HCN1: variants seen among roughly 807,000 people sequenced by gnomAD.
HCN1 encodes potassium/sodium hyperpolarization-activated cyclic nucleotide-gated channel 1.
Under a neutral mutation model 78.9 loss-of-function variants are expected in HCN1, and 13 were observed. The ratio of observed to expected loss-of-function variants is 0.16; its 90% CI spans 0.11 to 0.26. The LOEUF (loss-of-function observed/expected upper bound fraction) is 0.26, where lower values mean the gene tolerates loss of function less well. HCN1 is among the 10% of genes least tolerant of loss of function. The pLI is 1.00. For missense variants in HCN1, 810 were observed against 1,154.3 expected (o/e 0.70, Z 4.32); for synonymous variants, 552 against 455.5 (o/e 1.21, Z -2.70).
At chr5:45,683,060 T>C (rs2112091454) in intron 1 of HCN1, among the ~76,000 whole-genome samples, 1 of 152,204 alleles carries the variant, frequency 6.6e-6, no homozygotes, top group Non-Finnish European at 1.5e-5. Flanking sequence ...CATAGCTTTA[T>C]TATTAAATAA....
At chr5:45,502,458 A>G (rs1209961178) in intron 2 of HCN1, among the ~76,000 whole-genome samples, 3 of 152,182 alleles carry the variant, frequency 2.0e-5, no homozygotes, top group Non-Finnish European at 4.4e-5. Context: ...AATTCCAACT[A>G]TTGGGATCCA....
chr5:45,487,666 CA>C (rs1741795875), intron 2 of HCN1, among the ~76,000 whole-genome samples: 1 of 151,938 alleles, frequency 6.6e-6, no homozygotes, highest in Non-Finnish European at 1.5e-5. Context: ...AGAAATTATA[CA>C]AAATAATGTA....
intron 3 of HCN1, among the ~76,000 whole-genome samples, chr5:45,410,562 T>C (rs962726857): frequency 3.3e-5 from 5 of 152,084 alleles, no homozygotes; most frequent in African/African-American, 2.4e-5. Flanking sequence ...GTCATATTCT[T>C]ATTTACAGCT....
At chr5:45,670,828 T>G (rs1287889801) in intron 1 of HCN1, among the ~76,000 whole-genome samples, 3 of 151,724 alleles carry the variant, frequency 2.0e-5, no homozygotes, top group Non-Finnish European at 4.4e-5. Context: ...TTACAGTTAA[T>G]TTATCCACAA....
At chr5:45,624,155 A>T (rs1032825055) in intron 2 of HCN1, among the ~76,000 whole-genome samples, 3 of 152,188 alleles carry the variant, frequency 2.0e-5, no homozygotes, top group Non-Finnish European at 2.9e-5. Context: ...ATTAGAGGCC[A>T]TTGGAACATT....
At chr5:45,267,879 A>G (rs1264699177) in intron 6 of HCN1, among the ~76,000 whole-genome samples, 3 of 152,224 alleles carry the variant, frequency 2.0e-5, no homozygotes, top group Non-Finnish European at 4.4e-5. Context: ...AATAAGAAAT[A>G]AAGAAAAAAA....
chr5:45,438,589 CAAA>C (rs60699282), intron 3 of HCN1, among the ~76,000 whole-genome samples: 1 of 95,740 alleles, frequency 1.0e-5, no homozygotes, highest in Admixed American at 1.1e-4. Flanking sequence ...GACTCCGTCT[CAAA>C]AAAAAAAAAA....
At chr5:45,293,007 TA>T (rs1745411059) in intron 6 of HCN1, among the ~76,000 whole-genome samples, 1 of 152,078 alleles carries the variant, frequency 6.6e-6, no homozygotes, top group East Asian at 1.9e-4. Context: ...TATGAAAGCA[TA>T]AAGAGAAAAT....
intron 6 of HCN1, among the ~76,000 whole-genome samples, chr5:45,301,823 G>C (rs1443411253): frequency 6.6e-6 from 1 of 150,974 alleles, no homozygotes; most frequent in Non-Finnish European, 1.5e-5. Context: ...AGAAAAAATA[G>C]GCAGATTTAA....
intron 2 of HCN1, among the ~76,000 whole-genome samples, chr5:45,574,241 C>G (rs2111908023): frequency 6.6e-6 from 1 of 152,234 alleles, no homozygotes; most frequent in South Asian, 2.1e-4. Flanking sequence ...TCAACCAAGT[C>G]TATTGGTGCC....
chr5:45,597,520 G>A (rs1744525783), intron 2 of HCN1, among the ~76,000 whole-genome samples: 1 of 152,186 alleles, frequency 6.6e-6, no homozygotes, highest in African/African-American at 2.4e-5. Flanking sequence ...AGACAAGGAT[G>A]CCCTCTCTCA....
intron 2 of HCN1, among the ~76,000 whole-genome samples, chr5:45,499,087 C>T (rs902945056): frequency 6.6e-6 from 1 of 152,172 alleles, no homozygotes; most frequent in African/African-American, 2.4e-5. Flanking sequence ...AGGCAGGTCT[C>T]CTTGAGCTGT....
intron 2 of HCN1, among the ~76,000 whole-genome samples, chr5:45,544,831 T>C (rs1407269363): frequency 6.6e-6 from 1 of 152,194 alleles, no homozygotes. Context: ...TGTCACATTT[T>C]CTTAATCCAG....
chr5:45,349,129 C>T (rs1385056289), intron 5 of HCN1, among the ~76,000 whole-genome samples: 1 of 152,098 alleles, frequency 6.6e-6, no homozygotes, highest in Non-Finnish European at 1.5e-5. Flanking sequence ...GGAAGTAAAG[C>T]TCTCCTCAGC....
intron 2 of HCN1, among the ~76,000 whole-genome samples, chr5:45,495,511 G>A (rs1460805952): frequency 2.0e-5 from 3 of 151,874 alleles, no homozygotes; most frequent in Non-Finnish European, 4.4e-5. Context: ...CTGAGACAAT[G>A]GGGTTTTCTA....
intron 5 of HCN1, among the ~76,000 whole-genome samples, chr5:45,321,101 C>G (rs1165622776): frequency 1.3e-5 from 2 of 151,708 alleles, no homozygotes; most frequent in African/African-American, 4.8e-5. Context: ...AATGACTGCC[C>G]TTTATACCTT....
At chr5:45,493,595 T>C (rs1741945229) in intron 2 of HCN1, among the ~76,000 whole-genome samples, 1 of 150,766 alleles carries the variant, frequency 6.6e-6, no homozygotes, top group African/African-American at 2.4e-5. Flanking sequence ...TAGCTTTTAT[T>C]TTTTTTTATT....
At chr5:45,481,851 T>A (rs1365822957) in intron 2 of HCN1, among the ~76,000 whole-genome samples, 1 of 152,192 alleles carries the variant, frequency 6.6e-6, no homozygotes, top group African/African-American at 2.4e-5. Flanking sequence ...TACTACCAAC[T>A]GTAATTTTGA....
chr5:45,292,542 T>C (rs1335996413), intron 6 of HCN1, among the ~76,000 whole-genome samples: 1 of 152,018 alleles, frequency 6.6e-6, no homozygotes, highest in African/African-American at 2.4e-5. Flanking sequence ...TAGAAAACAA[T>C]TTAAAAGGCA....
Sources: gnomAD v4.1 joint callset for allele counts (sites outside exome capture counted in the v4.1 genomes callset) on GRCh38, gnomAD v4.1.1 for gene constraint, MANE v1.5 for transcripts, NCBI Gene and HGNC (gene_info 2026-07-23, HGNC 2026-07-21) for gene names.